The following DNAJC2 variants were observed in gnomAD, a reference collection of about 807,000 sequenced individuals.
DNAJC2 encodes dnaJ homolog subfamily C member 2.
Under a neutral mutation model 94.0 loss-of-function variants are expected in DNAJC2, and 32 were observed. The observed-to-expected ratio is 0.34, with a 90% CI of 0.26 to 0.46. DNAJC2 has a LOEUF of 0.46. Among genes scored for constraint, DNAJC2 ranks in the 20% least tolerant of loss-of-function variants. DNAJC2 has a pLI of 1.00. For synonymous variants in DNAJC2, 210 were observed against 229.7 expected (o/e 0.91, Z 0.77); for missense variants, 550 against 719.5 (o/e 0.76, Z 2.69).
chr7:103,315,147 C>G (rs909882582), intron 15 of DNAJC2, among the ~76,000 whole-genome samples: 1 of 146,754 alleles, frequency 6.8e-6, no homozygotes, highest in Non-Finnish European at 1.5e-5. Context: ...TCACAACACC[C>G]AAGATAATAT....
intron 6 of DNAJC2, among the ~76,000 whole-genome samples, chr7:103,324,079 G>C (rs1193049240): frequency 6.6e-6 from 1 of 152,074 alleles, no homozygotes; most frequent in Non-Finnish European, 1.5e-5. Flanking sequence ...TTATGTTTTT[G>C]TATTTACTAG....
chr7:103,313,356 A>T, intron 15 of DNAJC2: 1 of 1,151,614 alleles, frequency 8.7e-7, no homozygotes, highest in Non-Finnish European at 1.1e-6. Flanking sequence ...TGTACTGTTT[A>T]TCTCTTAAAA....
chr7:103,341,780 T>A lies in DNAJC2; in HGVS notation c.239A>T (p.Asp80Val). ...LEEFPMLKTL[D>V]PKDWKNQDHY... ...ATTAAATACCTTCCAGTCTTTGGGA[T>A]CAAGTGTTTTCAGCATGGGAAACTC... Residue 80 changes from aspartate to valine, a missense_variant, in exon 2 of 17, where the codon GAT becomes GTT. Asp to Val is a radical substitution (Grantham distance 152). Transcript: ENST00000379263. The A allele has an allele frequency of 6.3e-7, 1 of 1,583,206 alleles. No homozygotes were observed. Among genetic ancestry groups the A allele is most frequent in the Non-Finnish European group, 8.6e-7 (1 of 1,166,040 alleles).
At chr7:103,320,961 T>TC (rs1818373088) in intron 10 of DNAJC2, 1 of 150,652 alleles carries the variant, frequency 6.6e-6, no homozygotes, top group East Asian at 2.0e-4. Flanking sequence ...ACTTTGGGAG[T>TC]CCAAGGCAGG....
In DNAJC2 at chr7:103,326,686, T is replaced by C. The variant is rs771058898; in HGVS notation, c.431-2A>G. The C allele has an allele frequency of 6.3e-7, 1 of 1,596,260 alleles. No homozygotes were observed. Among genetic ancestry groups the C allele is most frequent in the Non-Finnish European group, 8.5e-7 (1 of 1,174,818 alleles). ...CTGGATCAGATAACATTTCATAAGC[T>C]GAGAAAAAAATTGTTAAGATCACAT... On this transcript the variant is annotated splice_acceptor_variant, in intron 4 of 16. Transcript: ENST00000379263. LOFTEE classifies it high-confidence loss of function.
intron 6 of DNAJC2, among the ~76,000 whole-genome samples, chr7:103,324,135 T>C (rs995330319): frequency 1.3e-5 from 2 of 152,216 alleles, no homozygotes; most frequent in African/African-American, 4.8e-5. Context: ...CCACTAACTA[T>C]TGCGCATATT....
intron 1 of DNAJC2, chr7:103,344,176 T>A (rs1216831714): frequency 4.4e-6 from 1 of 227,778 alleles, no homozygotes; most frequent in African/African-American, 2.3e-5. Context: ...AGAGCGCCAG[T>A]AGCAAAGCTT....
intron 3 of DNAJC2, among the ~76,000 whole-genome samples, chr7:103,333,520 T>A (rs530071088): frequency 6.6e-6 from 1 of 152,356 alleles, no homozygotes; most frequent in Non-Finnish European, 1.5e-5. Context: ...AAAACGTAGA[T>A]AAAATAAATG....
intron 1 of DNAJC2, 43 bp downstream of exon 1, chr7:103,344,516 G>A: frequency 6.2e-7 from 1 of 1,609,130 alleles, no homozygotes; most frequent in East Asian, 2.2e-5. Flanking sequence ...CTGAGGCAGG[G>A]GCAGCTGAGG....
At chr7:103,313,883 T>C in intron 15 of DNAJC2, 1 of 985,456 alleles carries the variant, frequency 1.0e-6, no homozygotes, top group Non-Finnish European at 1.2e-6. Flanking sequence ...AATGGACTTC[T>C]GGCAATTTAG....
rs570301578 is a variant in DNAJC2, at chr7:103,326,738, G to A, written c.431-54C>T. On this transcript the variant is annotated intron_variant, in intron 4 of 16. Transcript: ENST00000379263. ...ACCATAACTTTACCTATTTTTTCCT[G>A]CAAGAAAACAAGTATTTCCCTCCTT... The A allele has an allele frequency of 4.6e-6, 7 of 1,511,214 alleles. No homozygotes were observed. The East Asian group carries it at 1.2e-4, about 25-fold the overall frequency. The allele number at this position is 1,511,214 out of a possible 1,614,324, so 93.6% of individuals were successfully genotyped here.
chr7:103,344,592 G>A lies in DNAJC2; in HGVS notation c.31C>T (p.Arg11Trp). Residue 11 changes from arginine (R) to tryptophan (W), a missense_variant, in exon 1 of 17, where the codon CGG (arginine) becomes TGG (tryptophan). Arg to Trp is a moderately radical substitution (Grantham distance 101). This residue lies in a region of DNAJC2 where 279 missense variants were observed against 416.9 expected (regional missense o/e 0.67). Transcript: ENST00000379263. MLLLPSAADG[R>W]GTAITHALTS... The stretch of plus-strand genomic sequence containing the variant: ...AGAGCGTGGGTGATGGCGGTGCCCC[G>A]GCCGTCCGCGGCGCTTGGCAGAAGC... 6.2e-7 allele frequency: 1 copy of A among 1,612,916 alleles called. No homozygotes were observed. The highest frequency in any genetic ancestry group is 8.5e-7 in the Non-Finnish European group (1 of 1,179,966).
chr7:103,313,084 T>TC lies in DNAJC2; in HGVS notation c.1653_1654insG (p.Thr552AspfsTer24). ...TTCTGTTCTTCTGTTGTCCAAGGGGTGAAGTCTGTATATGGACCTGATTAA... is the reference window on the plus strand; with the variant it reads ...TTCTGTTCTTCTGTTGTCCAAGGGGTCGAAGTCTGTATATGGACCTGATTAA... On this transcript the variant is annotated frameshift_variant, in exon 16 of 17. Transcript: ENST00000379263. LOFTEE classifies it high-confidence loss of function. 6.2e-7 allele frequency: 1 copy of TC among 1,613,366 alleles called. No homozygotes were observed. The highest frequency in any genetic ancestry group is 8.5e-7 in the Non-Finnish European group (1 of 1,179,768).
At chr7:103,315,163 C>T (rs962716105) in intron 15 of DNAJC2, among the ~76,000 whole-genome samples, 1 of 101,286 alleles carries the variant, frequency 9.9e-6, no homozygotes, top group Non-Finnish European at 2.5e-5. Context: ...AATATCAAAC[C>T]CTAACATTTT....
At chr7:103,322,933 AT>A (rs375301640) in intron 7 of DNAJC2, 139 bp from the exon 8 acceptor site, 52,987 of 541,570 alleles carry the variant, frequency 0.098, 5 homozygotes, top group South Asian at 0.13. Context: ...TTAAACAATG[AT>A]TTTTTTTTTT....
chr7:103,312,795 T>A, intron 16 of DNAJC2, 152 bp from the exon 17 acceptor site: 1 of 1,510,942 alleles, frequency 6.6e-7, no homozygotes, highest in Non-Finnish European at 8.8e-7. Flanking sequence ...GTTTCTAAGG[T>A]TGCTCATTTC....
chr7:103,332,172 T>C (rs1819002918), intron 3 of DNAJC2, among the ~76,000 whole-genome samples: 2 of 151,982 alleles, frequency 1.3e-5, no homozygotes, highest in South Asian at 4.2e-4. Flanking sequence ...GCCTGCCTAA[T>C]TTTTTTGTAT....
At chr7:103,317,111 G>A (rs1586067340) in intron 12 of DNAJC2, 97 bp from the exon 13 acceptor site, 3 of 1,083,314 alleles carry the variant, frequency 2.8e-6, no homozygotes, top group Middle Eastern at 2.2e-4. Flanking sequence ...AACTCTCAAT[G>A]TCATTCTCAC....
At chr7:103,320,510 C>CA (rs1393780421) in intron 10 of DNAJC2, among the ~76,000 whole-genome samples, 1 of 151,918 alleles carries the variant, frequency 6.6e-6, no homozygotes, top group Non-Finnish European at 1.5e-5. Context: ...AAAACTGTCC[C>CA]AGCACTTTGG....
Sources: allele counts gnomAD v4.1 joint callset (sites outside exome capture counted in the v4.1 genomes callset), GRCh38; gene constraint gnomAD v4.1.1; regional missense constraint gnomAD v4.1.1; transcripts MANE v1.5; gene names NCBI Gene and HGNC (gene_info 2026-07-23, HGNC 2026-07-21).